The following VIRMA variants were observed in gnomAD, a reference collection of about 807,000 sequenced individuals.
VIRMA encodes protein virilizer homolog.
In VIRMA, 65 loss-of-function variants were observed where a neutral mutation model predicts 182.4. The observed-to-expected ratio is 0.36, with a 90% CI of 0.29 to 0.44. The LOEUF (loss-of-function observed/expected upper bound fraction) is 0.44, where lower values mean the gene tolerates loss of function less well. Among genes scored for constraint, VIRMA ranks in the 20% least tolerant of loss-of-function variants. The pLI, the probability that VIRMA is intolerant of heterozygous loss-of-function variation, is 1.00. For missense variants in VIRMA, 1,752 were observed against 2,158.1 expected (o/e 0.81, Z 3.73); for synonymous variants, 709 against 743.1 (o/e 0.95, Z 0.75).
At chr8:94,530,082 C>A (rs1234699515) in intron 6 of VIRMA, among the ~76,000 whole-genome samples, 5 of 152,198 alleles carry the variant, frequency 3.3e-5, no homozygotes, top group Non-Finnish European at 5.9e-5. Flanking sequence ...AGCCACCACA[C>A]CCAGCCCAAT....
rs752421120 is a variant in VIRMA at position 94,534,897 on chromosome 8, T to C, written c.426A>G (p.Pro142=). ...ISHDRDSPPP[P]PPPPPPPQPQ... is the part of the protein sequence containing the mutation. ...GCTGGGGAGGTGGTGGCGGTGGAGGTGGTGGTGGTGGAGAGTCTCTGTCAT... is the reference window on the plus strand; with the variant it reads ...GCTGGGGAGGTGGTGGCGGTGGAGGCGGTGGTGGTGGAGAGTCTCTGTCAT... Residue 142 remains proline, a synonymous_variant, in exon 5 of 24, where the codon CCA becomes CCG. Coordinates refer to ENST00000297591, the MANE Select transcript of VIRMA (RefSeq NM_015496.5). 3.8e-6 allele frequency: 6 copies of C among 1,570,878 alleles called. No homozygotes were observed. The highest frequency in any genetic ancestry group is 5.2e-6 in the Non-Finnish European group (6 of 1,146,796).
At chr8:94,537,940 G>A (rs1815398996) in intron 3 of VIRMA, among the ~76,000 whole-genome samples, 2 of 152,254 alleles carry the variant, frequency 1.3e-5, no homozygotes, top group Non-Finnish European at 1.5e-5. Flanking sequence ...CTCTCAATGT[G>A]TCTATATAAT....
chr8:94,490,626 CACCTGAGGTCAGGAGTTCGAG>C (rs1301324167), intron 22 of VIRMA, among the ~76,000 whole-genome samples: 1 of 152,064 alleles, frequency 6.6e-6, no homozygotes, highest in Admixed American at 6.6e-5. Context: ...GTGGGTGGAT[CACCTGAGGTCAGGAGTTCGAG>C]ACCAGCCCGG....
chr8:94,548,916 C>T (rs890808481), intron 1 of VIRMA, among the ~76,000 whole-genome samples: 1 of 152,154 alleles, frequency 6.6e-6, no homozygotes, highest in Non-Finnish European at 1.5e-5. Context: ...CTCAGCCTCC[C>T]AAAGTGCTGG....
intron 14 of VIRMA, 51 bp downstream of exon 14, chr8:94,510,366 A>G: frequency 7.0e-7 from 1 of 1,426,462 alleles, no homozygotes; most frequent in Non-Finnish European, 9.7e-7. Context: ...GAAAAAATAT[A>G]TGTGTCAAAA....
In VIRMA at chr8:94,526,277, A is replaced by G. The variant is rs750055085; in HGVS notation, c.1967T>C (p.Met656Thr). 8.7e-6 allele frequency: 14 copies of G among 1,614,036 alleles called. No individual in the cohort carries two copies. The highest frequency in any genetic ancestry group is 1.1e-5 in the Non-Finnish European group (13 of 1,179,906). Residue 656 changes from methionine to threonine, a missense_variant, in exon 8 of 24, where the codon ATG becomes ACG. Met to Thr is a moderately conservative substitution (Grantham distance 81). Around this residue, in one of 11 missense-constraint regions of VIRMA, gnomAD observed 401 missense variants for 455.1 expected, o/e 0.88. Coordinates refer to ENST00000297591, the MANE Select transcript of VIRMA (RefSeq NM_015496.5). ...IQQPVKSFPT[M>T]ARITGPPERD... ...CTCTGGAGGTCCAGTAATTCGTGCC[A>G]TCGTTGGGAAAGACTTAACAGGTTG...
chr8:94,494,914 T>C lies in VIRMA; in HGVS notation c.4587A>G (p.Lys1529=). ...VLADVMDDQL[K]SMWFTPFQAE... ...CCTGAAATGGAGTGAACCACATAGA[T>C]TTCAACTGATCATCCATGACATCAG... The change falls in exon 20 of 24, where the codon AAA becomes AAG. Residue 1529 remains lysine (K), a synonymous_variant. Coordinates refer to ENST00000297591, the MANE Select transcript of VIRMA (RefSeq NM_015496.5). 1 of 1,612,300 alleles carries C rather than the reference T, an allele frequency of 6.2e-7. No homozygotes were observed. Among genetic ancestry groups the C allele is most frequent in the Non-Finnish European group, 8.5e-7 (1 of 1,178,492 alleles).
intron 16 of VIRMA, 62 bp downstream of exon 16, chr8:94,506,438 A>G (rs781617092): frequency 2.9e-6 from 3 of 1,026,164 alleles, no homozygotes; most frequent in African/African-American, 1.6e-5. Flanking sequence ...TGTGGGGTGA[A>G]GGAGCAGTGA....
chr8:94,508,940 T>A (rs1814258327), intron 15 of VIRMA, among the ~76,000 whole-genome samples: 1 of 152,026 alleles, frequency 6.6e-6, no homozygotes, highest in African/African-American at 2.4e-5. Flanking sequence ...CATTAACCCA[T>A]GAAACTATAA....
At chr8:94,492,510 G>C (rs1023399133) in intron 21 of VIRMA, 142 bp downstream of exon 21, 1 of 542,856 alleles carries the variant, frequency 1.8e-6, no homozygotes. Context: ...GAATGGTCTC[G>C]ATCTCCTGAC....
chr8:94,512,798 C>T (rs994159694), intron 11 of VIRMA, among the ~76,000 whole-genome samples: 1 of 151,834 alleles, frequency 6.6e-6, no homozygotes, highest in African/African-American at 2.4e-5. Flanking sequence ...AAATAAAAAG[C>T]GCTTTGAGTA....
intron 10 of VIRMA, among the ~76,000 whole-genome samples, chr8:94,515,477 T>A (rs1312594625): frequency 6.6e-6 from 1 of 151,972 alleles, no homozygotes; most frequent in East Asian, 1.9e-4. Context: ...ACTCAATCAA[T>A]CCTCCTGCTT....
chr8:94,519,989 T>C (rs1213433454), intron 8 of VIRMA, among the ~76,000 whole-genome samples: 1 of 151,976 alleles, frequency 6.6e-6, no homozygotes, highest in Non-Finnish European at 1.5e-5. Flanking sequence ...GGCAGGCAGA[T>C]CACTTTAGGC....
At chr8:94,523,058 T>A (rs553099769) in intron 8 of VIRMA, among the ~76,000 whole-genome samples, 10 of 152,296 alleles carry the variant, frequency 6.6e-5, no homozygotes, top group Admixed American at 3.3e-4. Context: ...ACATCACCTA[T>A]TCTACTAAAA....
chr8:94,521,042 CTTT>C (rs11355130), intron 8 of VIRMA, among the ~76,000 whole-genome samples: 2 of 149,670 alleles, frequency 1.3e-5, no homozygotes, highest in Non-Finnish European at 1.5e-5. Flanking sequence ...TTTTTTATCT[CTTT>C]TTTTTTTTTA....
At chr8:94,543,053 C>T (rs935242732) in intron 2 of VIRMA, among the ~76,000 whole-genome samples, 1 of 151,992 alleles carries the variant, frequency 6.6e-6, no homozygotes, top group African/African-American at 2.4e-5. Context: ...GGATTACAGG[C>T]ATGCGCCACC....
chr8:94,536,641 C>T (rs2130373916), intron 4 of VIRMA, among the ~76,000 whole-genome samples: 1 of 152,274 alleles, frequency 6.6e-6, no homozygotes, highest in East Asian at 1.9e-4. Context: ...AATGTCTTTA[C>T]TGCATTATAA....
chr8:94,550,718 A>G (rs1815951926), intron 1 of VIRMA, among the ~76,000 whole-genome samples: 1 of 147,226 alleles, frequency 6.8e-6, no homozygotes, highest in Non-Finnish European at 1.5e-5. Context: ...TTATTTATTT[A>G]TGTATTTATT....
At chr8:94,535,354 G>A (rs1431525545) in intron 4 of VIRMA, among the ~76,000 whole-genome samples, 4 of 152,092 alleles carry the variant, frequency 2.6e-5, no homozygotes, top group Non-Finnish European at 2.9e-5. Context: ...TAGGTACAGG[G>A]GTCGTAGAAG....
Sources: gnomAD v4.1 joint callset for allele counts (sites outside exome capture counted in the v4.1 genomes callset) on GRCh38, gnomAD v4.1.1 for gene constraint, gnomAD v4.1.1 regional missense constraint, MANE v1.5 for transcripts, NCBI Gene and HGNC (gene_info 2026-07-23, HGNC 2026-07-21) for gene names.